Variants in UTRN observed in about 807,000 individuals in gnomAD.
UTRN encodes the protein dystrophin-related protein 1.
Under a neutral mutation model 463.9 loss-of-function variants are expected in UTRN, and 283 were observed. The ratio of observed to expected loss-of-function variants is 0.61; its 90% CI spans 0.55 to 0.67. The LOEUF is 0.67. Among genes scored for constraint, UTRN ranks in the 30% least tolerant of loss-of-function variants. UTRN has a pLI of 0.00. For missense variants in UTRN, 3,922 were observed against 4,084.3 expected, an observed-to-expected ratio of 0.96 and a Z score of 1.08; for synonymous variants, 1,442 against 1,431.5, an observed-to-expected ratio of 1.01 and a Z score of -0.17.
chr6:144,425,203 G>C (rs1785186722), intron 6 of UTRN, among the ~76,000 whole-genome samples: 2 of 152,140 alleles, frequency 1.3e-5, no homozygotes, highest in African/African-American at 4.8e-5. Context: ...CAGTGGGCTT[G>C]GGCTTGGCTG....
In UTRN at chr6:144,700,357, C is replaced by CA. The variant is rs969789118; in HGVS notation, c.7809+114_7809+115insA. The CA allele has an allele frequency of 3.3e-5, 40 of 1,205,068 alleles. No individual in the cohort carries two copies. The African/African-American group carries it at 3.6e-4, about 11-fold the overall frequency. The allele number at this position is 1,205,068 out of a possible 1,614,324, so 74.6% of individuals were successfully genotyped here. ...AACCAATTATCACAGGATTCCCCCC[C>CA]CCACCACCGTCTGCTTTTAGTTGCC... is the stretch of plus-strand genomic sequence containing the variant. On this transcript the variant is annotated intron_variant, in intron 53 of 74. Coordinates refer to ENST00000367545, the MANE Select transcript of UTRN (RefSeq NM_007124.3).
chr6:144,336,232 T>C, intron 2 of UTRN, among the ~76,000 whole-genome samples: 1 of 152,006 alleles, frequency 6.6e-6, no homozygotes, highest in East Asian at 1.9e-4. Context: ...TGTTGCCTCA[T>C]GGAGGGTGAT....
At chr6:144,790,094 A>G (rs1419847802) in intron 62 of UTRN, among the ~76,000 whole-genome samples, 1 of 152,232 alleles carries the variant, frequency 6.6e-6, no homozygotes, top group Non-Finnish European at 1.5e-5. Context: ...AATGAAGCTA[A>G]TAATTCCTGC....
chr6:144,522,964 C>T, intron 40 of UTRN, 52 bp from the exon 41 acceptor site: 3 of 1,359,460 alleles, frequency 2.2e-6, no homozygotes, highest in Admixed American at 2.4e-5. Context: ...TCTGTGATTC[C>T]TTTTTTTGTT....
At chr6:144,424,149 T>G (rs564402006) in intron 6 of UTRN, 71 bp downstream of exon 6, 1 of 1,518,086 alleles carries the variant, frequency 6.6e-7, no homozygotes, top group South Asian at 1.1e-5. Context: ...TTCTTAAGGC[T>G]GCCGTAACCA....
At chr6:144,454,487 A>G (rs1424088851) in intron 19 of UTRN, among the ~76,000 whole-genome samples, 1 of 152,122 alleles carries the variant, frequency 6.6e-6, no homozygotes, top group Admixed American at 6.6e-5. Flanking sequence ...GTTGAAAGAC[A>G]TTTCTTGCAC....
chr6:144,604,070 A>G (rs1804555478), intron 51 of UTRN, among the ~76,000 whole-genome samples: 1 of 152,174 alleles, frequency 6.6e-6, no homozygotes, highest in African/African-American at 2.4e-5. Context: ...AAAATTAGAT[A>G]CTGTTTTACA....
intron 51 of UTRN, among the ~76,000 whole-genome samples, chr6:144,671,465 A>G (rs1252001932): frequency 1.3e-5 from 2 of 152,004 alleles, no homozygotes; most frequent in African/African-American, 4.8e-5. Flanking sequence ...TAGCTGTGCT[A>G]CTGATTTGTG....
intron 53 of UTRN, among the ~76,000 whole-genome samples, chr6:144,710,078 C>T (rs1279733317): frequency 6.6e-6 from 1 of 152,164 alleles, no homozygotes; most frequent in African/African-American, 2.4e-5. Context: ...ATTCCTATTA[C>T]TAAAAGCCCT....
At chr6:144,781,435 A>T (rs537816936) in intron 60 of UTRN, among the ~76,000 whole-genome samples, 22 of 152,176 alleles carry the variant, frequency 1.4e-4, no homozygotes, top group Admixed American at 1.2e-3. Context: ...TAAATTTTGT[A>T]TGTAATGATG....
At chr6:144,567,262 G>A (rs1800493057) in intron 50 of UTRN, among the ~76,000 whole-genome samples, 1 of 152,184 alleles carries the variant, frequency 6.6e-6, no homozygotes, top group Non-Finnish European at 1.5e-5. Context: ...TCCTAGAAGA[G>A]GAGCTCTAGA....
chr6:144,827,788 A>T (rs1175055719), intron 68 of UTRN, 112 bp downstream of exon 68: 5 of 1,289,838 alleles, frequency 3.9e-6, no homozygotes, highest in Non-Finnish European at 5.3e-6. Flanking sequence ...GTTTTGCAGG[A>T]GTTATGATTC....
chr6:144,290,733 A>G (rs1266246359), intron 1 of UTRN, among the ~76,000 whole-genome samples: 1 of 141,766 alleles, frequency 7.1e-6, no homozygotes, highest in African/African-American at 2.6e-5. Flanking sequence ...ACTGTGGTCT[A>G]CCTACAAGCC....
intron 53 of UTRN, among the ~76,000 whole-genome samples, chr6:144,701,200 C>T (rs577722310): frequency 5.3e-5 from 8 of 152,176 alleles, no homozygotes; most frequent in African/African-American, 1.7e-4. Flanking sequence ...AGCCACCTTA[C>T]CCGACCTGAG....
At chr6:144,436,229 A>T (rs182627899) in intron 10 of UTRN, 91 bp downstream of exon 10, 2 of 1,305,758 alleles carry the variant, frequency 1.5e-6, no homozygotes, top group African/African-American at 2.9e-5. Context: ...TATCTACTGA[A>T]TTCTGTTCTT....
At chr6:144,362,346 G>T (rs945909445) in intron 2 of UTRN, among the ~76,000 whole-genome samples, 1 of 152,178 alleles carries the variant, frequency 6.6e-6, no homozygotes, top group African/African-American at 2.4e-5. Flanking sequence ...GTTGTTCATT[G>T]TACCCTTTTC....
chr6:144,591,032 G>A (rs1294735823), intron 51 of UTRN, among the ~76,000 whole-genome samples: 1 of 152,156 alleles, frequency 6.6e-6, no homozygotes, highest in Non-Finnish European at 1.5e-5. Flanking sequence ...CTCCCACCTT[G>A]ATTGAGTGTG....
chr6:144,369,098 G>A (rs977549321), intron 2 of UTRN, among the ~76,000 whole-genome samples: 2 of 152,246 alleles, frequency 1.3e-5, no homozygotes, highest in African/African-American at 2.4e-5. Context: ...ATTCACATAT[G>A]TGAGGACATG....
chr6:144,729,739 AT>A (rs2128713714), intron 53 of UTRN, among the ~76,000 whole-genome samples: 1 of 152,316 alleles, frequency 6.6e-6, no homozygotes, highest in South Asian at 2.1e-4. Flanking sequence ...AGAATCATAG[AT>A]TTGCATGAAA....
Sources: allele counts gnomAD v4.1 joint callset (sites outside exome capture counted in the v4.1 genomes callset), GRCh38; gene constraint gnomAD v4.1.1; transcripts MANE v1.5; gene names NCBI Gene and HGNC (gene_info 2026-07-23, HGNC 2026-07-21).